SNAPC4: variants seen among roughly 807,000 people sequenced by gnomAD.
SNAPC4 encodes small nuclear RNA activating complex polypeptide 4.
A neutral mutation model predicts 151.3 loss-of-function variants in SNAPC4; 127 were observed. The observed-to-expected ratio is 0.84, with a 90% confidence interval of 0.73 to 0.97. The LOEUF is 0.97. Ranked by LOEUF, SNAPC4 falls within the 50% of genes least tolerant of loss-of-function variation. The pLI is 0.00. For missense variants in SNAPC4, 2,186 were observed against 1,935.0 expected (o/e 1.13, Z -2.43); for synonymous variants, 1,002 against 824.4 (o/e 1.22, Z -3.69).
In SNAPC4 at chr9:136,378,169, C is replaced by G. The variant is rs1309096264; in HGVS notation, c.3658G>C (p.Gly1220Arg). The G allele has an allele frequency of 6.2e-7, 1 of 1,611,378 alleles. No homozygotes were observed. The highest frequency in any genetic ancestry group is 8.5e-7 in the Non-Finnish European group (1 of 1,179,588). ...GGVIPATEPR[G>R]TPGSPSGTQE... ...GTCCCTGAGGGGGACCCCGGCGTCC[C>G]CCTTGGCTCAGTTGCTGGGATGACA... is the stretch of plus-strand genomic sequence containing the variant. Residue 1220 changes from glycine (G) to arginine (R), a missense_variant, in exon 22 of 24, where the codon GGG (glycine) becomes CGG (arginine). Physicochemically the swap from Gly to Arg is moderately radical, Grantham distance 125. Coordinates refer to ENST00000684778, the MANE Select transcript of SNAPC4 (RefSeq NM_003086.4).
chr9:136,379,208 G>T lies in SNAPC4; in HGVS notation c.2619C>A (p.Arg873=). The T allele has an allele frequency of 1.2e-6, 2 of 1,610,604 alleles. No individual in the cohort carries two copies. Among genetic ancestry groups the T allele is most frequent in the South Asian group, 1.1e-5 (1 of 90,556 alleles). The part of the protein sequence containing the change: ...SRRLASSRVE[R]TLPQASLLAS... ...CCAGCAGGGACGCCTGGGGTAGGGTGCGCTCCACCCGGCTGGACGCCAGTC... is the reference window on the plus strand; with the variant it reads ...CCAGCAGGGACGCCTGGGGTAGGGTTCGCTCCACCCGGCTGGACGCCAGTC... The change falls in exon 22 of 24, where the codon CGC becomes CGA. Residue 873 remains arginine (R), a synonymous_variant. Coordinates refer to ENST00000684778, the MANE Select transcript of SNAPC4 (RefSeq NM_003086.4).
At position 136,392,029 on chromosome 9, in the gene SNAPC4, C is replaced by T. The variant is rs1485205479; in HGVS notation, c.888G>A (p.Glu296=). The T allele has an allele frequency of 1.2e-6, 2 of 1,612,368 alleles. No homozygotes were observed. Among genetic ancestry groups the T allele is most frequent in the South Asian group, 2.2e-5 (2 of 91,082 alleles). The change falls in exon 10 of 24, where the codon GAG becomes GAA. Residue 296 remains glutamate (E), a synonymous_variant. Transcript: ENST00000684778. ...NSEHPSINKQ[E]WSREEEERLQ... ...GCCGCTCCTCCTCCTCCCTGCTCCA[C>T]TCCTGCTTGTTGATGCTGGGGTGCT...
Position 136,378,558 on chromosome 9 carries a change from A to C in SNAPC4, c.3269T>G (p.Val1090Gly). ...CCTGGGAAGGCTCACCACAGCTGGT[A>C]CAGGAACAGGGAGAAGCCCCTGGGC... is the stretch of plus-strand genomic sequence containing the variant. Reference protein sequence around the residue: ...LTAQGLLPVPVPAVVSLPRPA... With the variant: ...LTAQGLLPVPGPAVVSLPRPA... The change falls in exon 22 of 24, where the codon GTA becomes GGA. Residue 1090 changes from valine to glycine, a missense_variant. By Grantham distance (109) the Val-to-Gly change is moderately radical. Coordinates refer to ENST00000684778, the MANE Select transcript of SNAPC4 (RefSeq NM_003086.4). 1 of 1,592,678 alleles carries C rather than the reference A, an allele frequency of 6.3e-7. No individual in the cohort carries two copies. The highest frequency in any genetic ancestry group is 8.5e-7 in the Non-Finnish European group (1 of 1,173,518).
intron 14 of SNAPC4, 145 bp from the exon 15 acceptor site, chr9:136,384,177 T>G (rs1588749676): frequency 1.6e-6 from 1 of 642,456 alleles, no homozygotes; most frequent in Non-Finnish European, 2.7e-6. Flanking sequence ...GCATGTTGGG[T>G]GCCTACAATT....
At chr9:136,396,166 C>A (rs933524775) in intron 3 of SNAPC4, among the ~76,000 whole-genome samples, 20 of 152,224 alleles carry the variant, frequency 1.3e-4, no homozygotes, top group African/African-American at 4.6e-4. Flanking sequence ...GGAGGAAAGT[C>A]TCTGCAGAGC....
intron 23 of SNAPC4, 21 bp downstream of exon 23, chr9:136,376,328 G>A: frequency 6.2e-7 from 1 of 1,611,738 alleles, no homozygotes; most frequent in Non-Finnish European, 8.5e-7. Context: ...TAGGGCAGTG[G>A]CCTCCCCACT....
Position 136,383,857 on chromosome 9 carries a change from G to C in SNAPC4, c.1500+96C>G, listed in dbSNP as rs529891893. ...AGAAGAAATGCCAAGACCAGAAACCGAACGCCCCCCTCCCCTCCCCTCCTC... is the reference window on the plus strand; with the variant it reads ...AGAAGAAATGCCAAGACCAGAAACCCAACGCCCCCCTCCCCTCCCCTCCTC... On this transcript the variant is annotated intron_variant, in intron 15 of 23. Transcript: ENST00000684778. The surrounding 1 kb of genome is among the most constrained non-coding windows in gnomAD (Gnocchi z 4.2). The C allele has an allele frequency of 1.1e-5, 14 of 1,333,140 alleles. No individual in the cohort carries two copies. The highest frequency in any genetic ancestry group is 1.5e-5 in the Non-Finnish European group (14 of 940,394). 82.6% of individuals were successfully genotyped at this position (1,333,140 alleles called of 1,614,324 possible).
intron 13 of SNAPC4, among the ~76,000 whole-genome samples, chr9:136,386,299 C>T (rs542637758): frequency 2.6e-5 from 4 of 151,966 alleles, no homozygotes; most frequent in East Asian, 3.8e-4. Context: ...TCTTTGCCCG[C>T]GATTAGATTG....
chr9:136,379,105 T>C lies in SNAPC4; in HGVS notation c.2722A>G (p.Arg908Gly). The change falls in exon 22 of 24, where the codon AGG (arginine) becomes GGG (glycine). Residue 908 changes from arginine to glycine, a missense_variant. Physicochemically the swap from Arg to Gly is moderately radical, Grantham distance 125. Coordinates refer to ENST00000684778, the MANE Select transcript of SNAPC4 (RefSeq NM_003086.4). ...QEKRLQEARA[R>G]EATRGPVVLP... is the part of the protein sequence containing the mutation. ...ACCACCGGGCCCCGGGTGGCCTCCCTGGCACGGGCCTCCTGAAGCCGCTTC... is the reference window on the plus strand; with the variant it reads ...ACCACCGGGCCCCGGGTGGCCTCCCCGGCACGGGCCTCCTGAAGCCGCTTC... 2 of 1,562,054 alleles carry C rather than the reference T, an allele frequency of 1.3e-6. No individual in the cohort carries two copies. Among genetic ancestry groups the C allele is most frequent in the Non-Finnish European group, 1.7e-6 (2 of 1,153,874 alleles).
chr9:136,399,749 G>A (rs1834389628), intron 1 of SNAPC4, among the ~76,000 whole-genome samples: 1 of 152,198 alleles, frequency 6.6e-6, no homozygotes, highest in African/African-American at 2.4e-5. Context: ...CACTGGCTTG[G>A]GAGACAGACC....
intron 1 of SNAPC4, among the ~76,000 whole-genome samples, chr9:136,399,442 C>G (rs1040075158): frequency 2.0e-4 from 31 of 152,242 alleles, no homozygotes; most frequent in African/African-American, 7.2e-4. Flanking sequence ...TTCAGCGCCT[C>G]CGGGCCGGCG....
At chr9:136,385,547 A>G (rs1833860448) in intron 13 of SNAPC4, among the ~76,000 whole-genome samples, 1 of 144,778 alleles carries the variant, frequency 6.9e-6, no homozygotes, top group Non-Finnish European at 1.5e-5. Flanking sequence ...TTATATGAGA[A>G]TCCCACTCCC....
At chr9:136,387,252 TC>T (rs2131487750) in intron 13 of SNAPC4, among the ~76,000 whole-genome samples, 1 of 152,260 alleles carries the variant, frequency 6.6e-6, no homozygotes, top group African/African-American at 2.4e-5. Flanking sequence ...CATGCGTTGC[TC>T]CGGCAGACAG....
chr9:136,377,344 G>A (rs994142544), intron 22 of SNAPC4, among the ~76,000 whole-genome samples, 199 bp downstream of exon 22: 3 of 152,008 alleles, frequency 2.0e-5, no homozygotes, highest in Non-Finnish European at 4.4e-5. Flanking sequence ...TTTCCACACT[G>A]CCCCAAAGGG....
chr9:136,390,826 G>A (rs1446131312), intron 10 of SNAPC4, among the ~76,000 whole-genome samples: 2 of 151,408 alleles, frequency 1.3e-5, no homozygotes, highest in Non-Finnish European at 2.9e-5. Context: ...AAACCGATTT[G>A]TATTTATTTA....
In SNAPC4 at chr9:136,388,503, C is replaced by T. The variant is rs367652103; in HGVS notation, c.1064G>A (p.Arg355His). ...CTCCTGCACCAGCTGCGTGAGCATG[C>T]GGTCCTCCTCCTCTGTCCACTCCTT... ...KRKEWTEEED[R>H]MLTQLVQEMR... Residue 355 changes from arginine to histidine, a missense_variant, in exon 11 of 24, where the codon CGC (arginine) becomes CAC (histidine). By Grantham distance (29) the Arg-to-His change is conservative. Coordinates refer to ENST00000684778, the MANE Select transcript of SNAPC4 (RefSeq NM_003086.4). 1.6e-4 allele frequency: 257 copies of T among 1,613,466 alleles called. 1 individual carries two copies. Among genetic ancestry groups the T allele is most frequent in the South Asian group, 6.4e-4 (58 of 90,988 alleles).
At position 136,378,557 on chromosome 9, in the gene SNAPC4, T is replaced by C. The variant is rs2131467874; in HGVS notation, c.3270A>G (p.Val1090=). The C allele has an allele frequency of 6.3e-7, 1 of 1,592,878 alleles. No individual in the cohort carries two copies. Among genetic ancestry groups the C allele is most frequent in the Non-Finnish European group, 8.5e-7 (1 of 1,173,702 alleles). ...GCCTGGGAAGGCTCACCACAGCTGG[T>C]ACAGGAACAGGGAGAAGCCCCTGGG... ...LTAQGLLPVP[V]PAVVSLPRPA... Residue 1090 remains valine (V), a synonymous_variant, in exon 22 of 24, where the codon GTA becomes GTG. Coordinates refer to ENST00000684778, the MANE Select transcript of SNAPC4 (RefSeq NM_003086.4).
At chr9:136,390,414 G>A (rs1384037087) in intron 10 of SNAPC4, among the ~76,000 whole-genome samples, 1 of 151,928 alleles carries the variant, frequency 6.6e-6, no homozygotes, top group Admixed American at 6.6e-5. Flanking sequence ...AATTAGCCGG[G>A]CGTGGTGGTG....
chr9:136,381,872 C>A lies in SNAPC4; in HGVS notation c.2269G>T (p.Val757Leu). The A allele has an allele frequency of 6.2e-7, 1 of 1,612,778 alleles. No homozygotes were observed. The highest frequency in any genetic ancestry group is 8.5e-7 in the Non-Finnish European group (1 of 1,179,966). The part of the protein sequence containing the change: ...AVTPWVGDVV[V>L]PCTQASQRPA... ...CTCTGGGAAGCCTGTGTGCAGGGCA[C>A]GACAACGTCCCCTACCCAAGGGGTC... is the stretch of plus-strand genomic sequence containing the variant. The change falls in exon 18 of 24, where the codon GTG (valine) becomes TTG (leucine). Residue 757 changes from valine (V) to leucine (L), a missense_variant. Val to Leu is a conservative substitution (Grantham distance 32, BLOSUM62 1). Transcript: ENST00000684778.
Sources: allele counts gnomAD v4.1 joint callset (sites outside exome capture counted in the v4.1 genomes callset), GRCh38; gene constraint gnomAD v4.1.1; non-coding constraint Gnocchi (gnomAD v3.1); transcripts MANE v1.5; gene names NCBI Gene and HGNC (gene_info 2026-07-23, HGNC 2026-07-21).